NLRC4: variants seen among roughly 807,000 people sequenced by gnomAD.
NLRC4 encodes the protein NLR family CARD domain containing 4, also known as NLR family CARD domain-containing protein 4.
NLRC4 carries 63 observed loss-of-function variants against 79.9 expected under a neutral mutation model. The ratio of observed to expected loss-of-function variants is 0.79; its 90% CI spans 0.64 to 0.97. NLRC4 has a LOEUF of 0.97. NLRC4 is among the 50% of genes least tolerant of loss of function. NLRC4 has a pLI of 0.00. For synonymous variants in NLRC4, 461 were observed against 456.5 expected (o/e 1.01, Z -0.12); for missense variants, 1,074 against 1,215.2 (o/e 0.88, Z 1.73).
chr2:32,229,551 G>A (rs1401734324), intron 8 of NLRC4, among the ~76,000 whole-genome samples: 1 of 152,160 alleles, frequency 6.6e-6, no homozygotes, highest in Non-Finnish European at 1.5e-5. Context: ...ATTGCTGATG[G>A]GTAAGAAACA....
chr2:32,238,052 G>C, intron 6 of NLRC4, 80 bp downstream of exon 6: 2 of 950,966 alleles, frequency 2.1e-6, no homozygotes, highest in Admixed American at 3.0e-5. Context: ...TTCCATTTGA[G>C]ACATTTAGTG....
intron 8 of NLRC4, among the ~76,000 whole-genome samples, chr2:32,233,142 A>G (rs867316587): frequency 0.012 from 139 of 12,000 alleles, 3 homozygotes; most frequent in African/African-American, 0.062. Flanking sequence ...GGGAGGAAGG[A>G]AGGAAGGAAG....
chr2:32,235,380 G>T, intron 8 of NLRC4, 21 bp downstream of exon 8: 1 of 1,589,624 alleles, frequency 6.3e-7, no homozygotes, highest in Non-Finnish European at 8.6e-7. Context: ...AGTTATCTTG[G>T]CTCTGTATGT....
chr2:32,264,272 A>C (rs938120528), intron 1 of NLRC4, among the ~76,000 whole-genome samples: 1 of 151,920 alleles, frequency 6.6e-6, no homozygotes, highest in Non-Finnish European at 1.5e-5. Context: ...GTCTCTACTA[A>C]AAATACAAAA....
At chr2:32,233,677 A>AT (rs1345236094) in intron 8 of NLRC4, among the ~76,000 whole-genome samples, 1 of 151,752 alleles carries the variant, frequency 6.6e-6, no homozygotes, top group Non-Finnish European at 1.5e-5. Context: ...ATTTTGGGGG[A>AT]TTTTTTAAGA....
Position 32,249,865 on chromosome 2 carries a change from G to A in NLRC4, c.1999C>T (p.Arg667Trp), listed in dbSNP as rs533005673. The change falls in exon 4 of 9, where the codon CGG becomes TGG. Residue 667 changes from arginine (R) to tryptophan (W), a missense_variant. Physicochemically the swap from Arg to Trp is moderately radical, Grantham distance 101 (BLOSUM62 -3). Coordinates refer to ENST00000402280, the MANE Select transcript of NLRC4 (RefSeq NM_001199138.2). ...QEFRTLEVTL[R>W]DFSKLNKQDI... Reference sequence around the variant, plus strand: ...TGCTTATTCAACTTGCTGAAATCCCGGAGTGTGACCTCCAGAGTCCTGAAT... The same window carrying A: ...TGCTTATTCAACTTGCTGAAATCCCAGAGTGTGACCTCCAGAGTCCTGAAT... 1.9e-6 allele frequency: 3 copies of A among 1,614,144 alleles called. No homozygotes were observed. Among genetic ancestry groups the A allele is most frequent in the Non-Finnish European group, 2.5e-6 (3 of 1,180,024 alleles).
At chr2:32,264,499 T>G (rs1373207166) in intron 1 of NLRC4, among the ~76,000 whole-genome samples, 1 of 151,266 alleles carries the variant, frequency 6.6e-6, no homozygotes, top group Non-Finnish European at 1.5e-5. Flanking sequence ...CCAAAGTCCT[T>G]TCCATCTCAC....
chr2:32,228,663 A>C (rs904703089), intron 8 of NLRC4, among the ~76,000 whole-genome samples: 1 of 152,198 alleles, frequency 6.6e-6, no homozygotes, highest in Non-Finnish European at 1.5e-5. Context: ...ATGCTAAGAA[A>C]GAGCTTTTGG....
chr2:32,247,301 A>AT (rs1573488957), intron 4 of NLRC4, among the ~76,000 whole-genome samples: 2 of 149,664 alleles, frequency 1.3e-5, no homozygotes, highest in African/African-American at 4.9e-5. Flanking sequence ...CTGCGTATAT[A>AT]TTTATTTTTT....
At chr2:32,239,113 T>C (rs1369408417) in intron 5 of NLRC4, among the ~76,000 whole-genome samples, 1 of 152,040 alleles carries the variant, frequency 6.6e-6, no homozygotes, top group Non-Finnish European at 1.5e-5. Flanking sequence ...GAACCCCATC[T>C]CTACTAAAAA....
chr2:32,244,781 T>C (rs565908925), intron 4 of NLRC4, among the ~76,000 whole-genome samples: 23 of 148,256 alleles, frequency 1.6e-4, no homozygotes, highest in African/African-American at 5.3e-4. Context: ...AGTTCAAGAC[T>C]GGCCTTGGCA....
At chr2:32,231,355 C>A (rs1238030201) in intron 8 of NLRC4, among the ~76,000 whole-genome samples, 1 of 150,964 alleles carries the variant, frequency 6.6e-6, no homozygotes, top group African/African-American at 2.4e-5. Context: ...TGGGATTTCA[C>A]CATATTGGCC....
Position 32,251,351 on chromosome 2 carries a change from A to G in NLRC4, c.513T>C (p.Ser171=), listed in dbSNP as rs1050080627. ...LQSPCIIEGE[S]GKGKSTLLQR... ...GCAGCAGAGTGGACTTGCCTTTGCC[A>G]GATTCCCCTTCAATGATGCAGGGGC... Residue 171 remains serine (S), a synonymous_variant, in exon 4 of 9, where the codon TCT becomes TCC. Coordinates refer to ENST00000402280, the MANE Select transcript of NLRC4 (RefSeq NM_001199138.2). 1.9e-6 allele frequency: 3 copies of G among 1,614,154 alleles called. No homozygotes were observed. The highest frequency in any genetic ancestry group is 2.2e-5 in the East Asian group (1 of 44,872).
intron 2 of NLRC4, among the ~76,000 whole-genome samples, chr2:32,254,917 C>T (rs914665757): frequency 2.6e-5 from 4 of 151,748 alleles, no homozygotes; most frequent in African/African-American, 4.9e-5. Context: ...CGCACCTGGC[C>T]GCTCCTGGCT....
intron 1 of NLRC4, 96 bp from the exon 2 acceptor site, chr2:32,256,989 T>C: frequency 2.0e-6 from 1 of 504,854 alleles, no homozygotes; most frequent in Non-Finnish European, 3.5e-6. Context: ...GAGAAAATGG[T>C]GACCCAAACC....
intron 2 of NLRC4, among the ~76,000 whole-genome samples, chr2:32,253,862 G>A (rs1465086598): frequency 6.6e-6 from 1 of 151,296 alleles, no homozygotes; most frequent in Non-Finnish European, 1.5e-5. Flanking sequence ...TACTCAGGAG[G>A]CTGAGGCAGG....
At chr2:32,260,667 G>A (rs921511727) in intron 1 of NLRC4, among the ~76,000 whole-genome samples, 1 of 152,192 alleles carries the variant, frequency 6.6e-6, no homozygotes, top group African/African-American at 2.4e-5. Flanking sequence ...AAAGCCACCT[G>A]GGGGCCAGGC....
intron 6 of NLRC4, among the ~76,000 whole-genome samples, 190 bp downstream of exon 6, chr2:32,237,935 TATTATCC>T (rs1297499762): frequency 1.3e-5 from 2 of 152,244 alleles, no homozygotes; most frequent in African/African-American, 4.8e-5. Context: ...AATTCTCCCC[TATTATCC>T]ATCAATAGTT....
intron 5 of NLRC4, among the ~76,000 whole-genome samples, chr2:32,240,309 G>A (rs2148936077): frequency 6.6e-6 from 1 of 150,672 alleles, no homozygotes; most frequent in South Asian, 2.1e-4. Flanking sequence ...ATAGGCTAGA[G>A]TTGTCTTTCG....
Sources: allele counts gnomAD v4.1 joint callset (sites outside exome capture counted in the v4.1 genomes callset), GRCh38; gene constraint gnomAD v4.1.1; transcripts MANE v1.5; gene names NCBI Gene and HGNC (gene_info 2026-07-23, HGNC 2026-07-21).